TTLL11: variants seen among roughly 807,000 people sequenced by gnomAD.
TTLL11 encodes the protein tubulin tyrosine ligase like 11.
TTLL11 carries 42 observed loss-of-function variants against 51.7 expected under a neutral mutation model. The ratio of observed to expected loss-of-function variants is 0.81; its 90% confidence interval spans 0.64 to 1.05. The LOEUF is 1.05. TTLL11 is among the 50% of genes least tolerant of loss of function. TTLL11 has a pLI of 0.00. For missense variants in TTLL11, 799 were observed against 940.4 expected, an observed-to-expected ratio of 0.85 and a Z score of 1.97; for synonymous variants, 381 against 383.5, an observed-to-expected ratio of 0.99 and a Z score of 0.08.
intron 1 of TTLL11, among the ~76,000 whole-genome samples, chr9:122,084,849 G>A (rs1016957420): frequency 6.6e-6 from 1 of 152,158 alleles, no homozygotes; most frequent in Non-Finnish European, 1.5e-5. Context: ...CACAGCTGGT[G>A]GGTACTTTCA....
chr9:121,974,824 T>G, intron 5 of TTLL11, 60 bp downstream of exon 5: 1 of 1,247,074 alleles, frequency 8.0e-7, no homozygotes, highest in Non-Finnish European at 1.1e-6. Context: ...GTGAGCAACA[T>G]GAGGGTAGGA....
chr9:121,947,917 G>A (rs753277742), intron 6 of TTLL11, among the ~76,000 whole-genome samples: 6 of 152,210 alleles, frequency 3.9e-5, no homozygotes, highest in Non-Finnish European at 7.3e-5. Flanking sequence ...ACAAAGCCTG[G>A]TTATGCTGGT....
intron 1 of TTLL11, among the ~76,000 whole-genome samples, chr9:122,054,576 A>T (rs1845243204): frequency 6.6e-6 from 1 of 152,204 alleles, no homozygotes; most frequent in Non-Finnish European, 1.5e-5. Context: ...TCCACTTTCC[A>T]ATTCATGAGG....
chr9:121,953,563 C>T (rs747250319), intron 6 of TTLL11, among the ~76,000 whole-genome samples: 10 of 140,950 alleles, frequency 7.1e-5, no homozygotes, highest in Admixed American at 3.1e-4. Flanking sequence ...ACCCAGGAGG[C>T]GGAGGTTTGC....
chr9:122,031,635 C>T, intron 3 of TTLL11, 88 bp downstream of exon 3: 4 of 1,497,400 alleles, frequency 2.7e-6, no homozygotes, highest in Non-Finnish European at 2.7e-6. Flanking sequence ...CCCTGGGACC[C>T]CCTGTCCCAG....
intron 2 of TTLL11, among the ~76,000 whole-genome samples, chr9:122,032,973 T>C (rs1844596960): frequency 6.6e-6 from 1 of 151,508 alleles, no homozygotes; most frequent in African/African-American, 2.4e-5. Context: ...TTTTGTATTG[T>C]TTTTGTTTTT....
rs565899773 is a variant in TTLL11 at position 122,033,454 on chromosome 9, T to C, written c.560-1598A>G. Among the ~76,000 whole-genome samples, 4 of 152,270 alleles carry C rather than the reference T, an allele frequency of 2.6e-5. No individual in the cohort carries two copies. In the South Asian group the frequency reaches 8.3e-4, roughly 32 times the overall value. Reference sequence around the variant, plus strand: ...AGACAAATATCATTGCCAAAAATGGTGGCTACAAATGGCCTTTACCCTGAA... The same window carrying C: ...AGACAAATATCATTGCCAAAAATGGCGGCTACAAATGGCCTTTACCCTGAA... On this transcript the variant is annotated intron_variant, in intron 2 of 8. Transcript: ENST00000321582.
intron 7 of TTLL11, among the ~76,000 whole-genome samples, chr9:121,863,513 C>G (rs1009954175): frequency 5.3e-5 from 8 of 152,140 alleles, no homozygotes; most frequent in Non-Finnish European, 8.8e-5. Context: ...AAACCTTTAG[C>G]AGGAGCCGTA....
chr9:121,929,154 C>T (rs887055445), intron 6 of TTLL11, among the ~76,000 whole-genome samples: 1 of 152,048 alleles, frequency 6.6e-6, no homozygotes, highest in African/African-American at 2.4e-5. Context: ...AAAAGTTACA[C>T]ATTTTGGCCG....
rs567779142 is a variant in TTLL11, at chr9:121,869,408, G to A, written c.1733+1089C>T. 1.2e-4 allele frequency among the ~76,000 whole-genome samples: 19 copies of A among 152,262 alleles called. No homozygotes were observed. In the South Asian group the frequency reaches 3.5e-3, roughly 28 times the overall value. ...AGACAAAAATATTAAAATCACTGAT[G>A]GGAAAAACAACAGCAATACTGAGTG... On this transcript the variant is annotated intron_variant, in intron 7 of 8. Coordinates refer to ENST00000321582, the MANE Select transcript of TTLL11 (RefSeq NM_001139442.2).
intron 8 of TTLL11, among the ~76,000 whole-genome samples, chr9:121,840,370 G>A (rs1223918435): frequency 6.6e-6 from 1 of 152,084 alleles, no homozygotes; most frequent in Admixed American, 6.5e-5. Flanking sequence ...GAGGGGGCAA[G>A]TGACTTGTTC....
intron 6 of TTLL11, among the ~76,000 whole-genome samples, chr9:121,949,743 GT>G (rs976802402): frequency 7.9e-5 from 12 of 152,060 alleles, no homozygotes; most frequent in African/African-American, 2.7e-4. Context: ...TTATGAGAAA[GT>G]TTTTGCAAAT....
intron 6 of TTLL11, among the ~76,000 whole-genome samples, chr9:121,876,848 T>C (rs1838583470): frequency 6.6e-6 from 1 of 152,194 alleles, no homozygotes; most frequent in Non-Finnish European, 1.5e-5. Flanking sequence ...TCAGAAACTC[T>C]GAGTGGGCTG....
chr9:121,962,625 C>A (rs1220173874), intron 6 of TTLL11, among the ~76,000 whole-genome samples: 6 of 152,194 alleles, frequency 3.9e-5, no homozygotes, highest in Non-Finnish European at 7.3e-5. Flanking sequence ...CCTTGGCTCA[C>A]CAGGTCTTCT....
At chr9:121,934,278 A>T (rs1841110660) in intron 6 of TTLL11, among the ~76,000 whole-genome samples, 1 of 152,204 alleles carries the variant, frequency 6.6e-6, no homozygotes, top group African/African-American at 2.4e-5. Context: ...CCATTCGTCC[A>T]TCTTGCGCTT....
At position 121,822,733 on chromosome 9, in the gene TTLL11, C is replaced by T; in HGVS notation, c.1987G>A (p.Gly663Ser). Residue 663 changes from glycine (G) to serine (S), a missense_variant, in exon 9 of 9, where the codon GGC (glycine) becomes AGC (serine). Gly to Ser is a moderately conservative substitution (Grantham distance 56). Transcript: ENST00000321582. The surrounding 1 kb of genome is among the most constrained non-coding windows in gnomAD (Gnocchi z 5.8). The stretch of plus-strand genomic sequence containing the variant: ...CGGCCCCCCGACGGGACGCCCCGGC[C>T]ACACACCAGGCGTTTTTCATCCAGC... Reference protein sequence around the residue: ...SLLDEKRLVCGRGVPSGGRPP... With the variant: ...SLLDEKRLVCSRGVPSGGRPP... The T allele has an allele frequency of 6.4e-7, 1 of 1,551,502 alleles. No individual in the cohort carries two copies.
chr9:122,082,412 G>T (rs1467949014), intron 1 of TTLL11, among the ~76,000 whole-genome samples: 2 of 147,370 alleles, frequency 1.4e-5, no homozygotes, highest in South Asian at 4.3e-4. Flanking sequence ...TGAGGCACGA[G>T]AATTGCTTGA....
intron 3 of TTLL11, among the ~76,000 whole-genome samples, chr9:122,008,764 A>G (rs1038054480): frequency 6.6e-6 from 1 of 152,264 alleles, no homozygotes; most frequent in African/African-American, 2.4e-5. Context: ...TTGCAGCATG[A>G]TTTGCGATAG....
At chr9:121,957,047 C>G (rs1842040039) in intron 6 of TTLL11, among the ~76,000 whole-genome samples, 1 of 152,186 alleles carries the variant, frequency 6.6e-6, no homozygotes, top group Non-Finnish European at 1.5e-5. Flanking sequence ...CTGTGCCCTC[C>G]CCACTGCATG....
Sources: gnomAD v4.1 joint callset for allele counts (sites outside exome capture counted in the v4.1 genomes callset) on GRCh38, gnomAD v4.1.1 for gene constraint, Gnocchi (gnomAD v3.1) non-coding constraint, MANE v1.5 for transcripts, NCBI Gene and HGNC (gene_info 2026-07-23, HGNC 2026-07-21) for gene names.